The following DOCK8 variants were observed in gnomAD, a reference collection of about 807,000 sequenced individuals.
The protein encoded by DOCK8 is dedicator of cytokinesis 8.
In DOCK8, 141 loss-of-function variants were observed where a neutral mutation model predicts 245.6. That is an observed-to-expected ratio of 0.57 (90% CI 0.50 to 0.66). The LOEUF (loss-of-function observed/expected upper bound fraction) is 0.66, where lower values mean the gene tolerates loss of function less well. DOCK8 is among the 30% of genes least tolerant of loss of function. The pLI is 0.00. For synonymous variants in DOCK8, 1,168 were observed against 970.2 expected (o/e 1.20, Z -3.79); for missense variants, 2,965 against 2,603.4 (o/e 1.14, Z -3.02).
intron 40 of DOCK8, among the ~76,000 whole-genome samples, chr9:440,302 G>C (rs1379139036): frequency 6.6e-6 from 1 of 152,178 alleles, no homozygotes; most frequent in East Asian, 1.9e-4. Context: ...CTACAGGTGT[G>C]AGCCACCACG....
chr9:414,758 T>A (rs1211004408), intron 28 of DOCK8, 24 bp from the exon 29 acceptor site: 1 of 1,614,162 alleles, frequency 6.2e-7, no homozygotes, highest in East Asian at 2.2e-5. Flanking sequence ...CCATAACCTC[T>A]TGATTCCTGT....
At chr9:216,635 C>T (rs964202805) in intron 1 of DOCK8, among the ~76,000 whole-genome samples, 1 of 151,334 alleles carries the variant, frequency 6.6e-6, no homozygotes, top group Non-Finnish European at 1.5e-5. Context: ...CTGTTGCATG[C>T]CAGGAGGGGT....
At chr9:432,429 C>T (rs2056752664) in intron 37 of DOCK8, 105 bp downstream of exon 37, 1 of 1,123,270 alleles carries the variant, frequency 8.9e-7, no homozygotes, top group Non-Finnish European at 1.3e-6. Context: ...AAATATATAA[C>T]ATTTGCAAGT....
At chr9:343,153 G>C (rs2051693508) in intron 14 of DOCK8, among the ~76,000 whole-genome samples, 1 of 152,096 alleles carries the variant, frequency 6.6e-6, no homozygotes, top group African/African-American at 2.4e-5. Context: ...ATTTCCAGAT[G>C]CACAAAATTA....
chr9:371,639 C>A (rs2131216403), intron 17 of DOCK8, 73 bp downstream of exon 17: 2 of 1,594,472 alleles, frequency 1.3e-6, no homozygotes, highest in Non-Finnish European at 1.7e-6. Context: ...AGATAAACAA[C>A]CAAATTCTAT....
chr9:349,525 C>G (rs2052058672), intron 14 of DOCK8, among the ~76,000 whole-genome samples: 1 of 152,196 alleles, frequency 6.6e-6, no homozygotes, highest in African/African-American at 2.4e-5. Context: ...AAGCAAATCT[C>G]AAAGCCTATT....
Position 215,045 on chromosome 9 carries a change from C to G in DOCK8, c.53+16C>G. 1 of 1,569,672 alleles carries G rather than the reference C, an allele frequency of 6.4e-7. No homozygotes were observed. The highest frequency in any genetic ancestry group is 8.6e-7 in the Non-Finnish European group (1 of 1,165,856). ...AGATCAACAGGTAAGACGCCCCCCGCGGCGCGCAGGTTGCGGCCGGACAGC... is the reference window on the plus strand; with the variant it reads ...AGATCAACAGGTAAGACGCCCCCCGGGGCGCGCAGGTTGCGGCCGGACAGC... On this transcript the variant is annotated intron_variant, in intron 1 of 47. Coordinates refer to ENST00000432829, the MANE Select transcript of DOCK8 (RefSeq NM_203447.4).
chr9:392,894 A>G (rs1226490364), intron 24 of DOCK8, among the ~76,000 whole-genome samples: 2 of 151,918 alleles, frequency 1.3e-5, no homozygotes, highest in Non-Finnish European at 2.9e-5. Context: ...ATGTCTCTCC[A>G]TAAAGAAGAT....
At chr9:268,806 T>G (rs2048091989) in intron 1 of DOCK8, among the ~76,000 whole-genome samples, 1 of 152,224 alleles carries the variant, frequency 6.6e-6, no homozygotes, top group South Asian at 2.1e-4. Flanking sequence ...AATAAATGAT[T>G]GCAGTGTTGG....
At chr9:363,312 T>C (rs1020196518) in intron 14 of DOCK8, among the ~76,000 whole-genome samples, 3 of 152,224 alleles carry the variant, frequency 2.0e-5, no homozygotes, top group Admixed American at 6.5e-5. Context: ...TGGCAAATTA[T>C]TAAGGTCATG....
rs1422852145 is a variant in DOCK8 at position 428,483 on chromosome 9, C to G, written c.4460C>G (p.Ala1487Gly). Residue 1487 changes from alanine to glycine, a missense_variant, in exon 35 of 48, where the codon GCT becomes GGT. Ala to Gly is a moderately conservative substitution (Grantham distance 60). Coordinates refer to ENST00000432829, the MANE Select transcript of DOCK8 (RefSeq NM_203447.4). Reference protein sequence around the residue: ...YLTHCFATLRALIAKFGDLLF... With the variant: ...YLTHCFATLRGLIAKFGDLLF... ...ACTCACTGCTTTGCAACACTCCGTGCTCTCATCGCCAAGGTAAACTTGGGA... is the reference window on the plus strand; with the variant it reads ...ACTCACTGCTTTGCAACACTCCGTGGTCTCATCGCCAAGGTAAACTTGGGA... The G allele has an allele frequency of 6.2e-7, 1 of 1,614,060 alleles. No individual in the cohort carries two copies. Among genetic ancestry groups the G allele is most frequent in the Non-Finnish European group, 8.5e-7 (1 of 1,180,030 alleles).
At chr9:386,465 G>T in intron 23 of DOCK8, 39 bp downstream of exon 23, 1 of 1,571,046 alleles carries the variant, frequency 6.4e-7, no homozygotes. Context: ...CCCAGGATAA[G>T]AACAGAAGGA....
rs557716603 is a variant in DOCK8 at position 415,099 on chromosome 9, G to C, written c.3700+148G>C. ...ATGGTCTCCAAACCTCTTTAACACT[G>C]GCCCCAATCAGTTAAAAAAACAAAA... On this transcript the variant is annotated intron_variant, in intron 29 of 47. Coordinates refer to ENST00000432829, the MANE Select transcript of DOCK8 (RefSeq NM_203447.4). 2.7e-6 allele frequency: 3 copies of C among 1,127,070 alleles called. No homozygotes were observed. The South Asian group carries it at 4.0e-5, about 15-fold the overall frequency. 69.8% of individuals were successfully genotyped at this position (1,127,070 alleles called of 1,614,324 possible).
chr9:421,082 T>C lies in DOCK8; in HGVS notation c.4153+4T>C. On this transcript the variant is annotated splice_donor_region_variant and intron_variant, in intron 32 of 47. Transcript: ENST00000432829. ...ATGATGCGCCGCCGGGCTCCAGGTGTGTTGGACTGGCCCTTCCCTGCTCTC... is the reference window on the plus strand; with the variant it reads ...ATGATGCGCCGCCGGGCTCCAGGTGCGTTGGACTGGCCCTTCCCTGCTCTC... 1 of 1,613,896 alleles carries C rather than the reference T, an allele frequency of 6.2e-7. No individual in the cohort carries two copies.
intron 14 of DOCK8, among the ~76,000 whole-genome samples, chr9:363,649 G>A (rs73641530): frequency 0.057 from 8,713 of 152,100 alleles, 383 homozygotes; most frequent in African/African-American, 0.12. Flanking sequence ...CTTTCTGGAT[G>A]TTAGTTTCCT....
In DOCK8 at chr9:426,848, G is replaced by T. The variant is rs374371878; in HGVS notation, c.4242-37G>T. 8.9e-6 allele frequency: 14 copies of T among 1,579,170 alleles called. No individual in the cohort carries two copies. The African/African-American group carries it at 1.9e-4, about 21-fold the overall frequency. ...CCATCATGGGAACCTGGCCAGGTTT[G>T]ACATGCGCTTTAATTTGACCTCTTG... On this transcript the variant is annotated intron_variant, in intron 33 of 47. Transcript: ENST00000432829.
upstream of DOCK8, chr9:214,838 G>A (rs1293351546): frequency 5.6e-6 from 9 of 1,600,726 alleles, no homozygotes; most frequent in Non-Finnish European, 7.7e-6. Context: ...TTAGAAGGTG[G>A]AAATGCGGAA....
Position 428,450 on chromosome 9 carries a change from C to T in DOCK8, c.4427C>T (p.Thr1476Ile), listed in dbSNP as rs2056581205. 4 of 1,614,202 alleles carry T rather than the reference C, an allele frequency of 2.5e-6. No homozygotes were observed. Among genetic ancestry groups the T allele is most frequent in the Non-Finnish European group, 3.4e-6 (4 of 1,180,020 alleles). ...TCTCTGAACTGTGATCAGAGTACCA[C>T]CTACCTGACTCACTGCTTTGCAACA... Reference protein sequence around the residue: ...VNSLNCDQSTTYLTHCFATLR... With the variant: ...VNSLNCDQSTIYLTHCFATLR... Residue 1476 changes from threonine to isoleucine, a missense_variant, in exon 35 of 48, where the codon ACC (threonine) becomes ATC (isoleucine). Thr to Ile is a moderately conservative substitution (Grantham distance 89, BLOSUM62 -1). Around this residue, in one of 3 missense-constraint regions of DOCK8, gnomAD observed 2,825 missense variants for 2,453.5 expected, o/e 1.15. Coordinates refer to ENST00000432829, the MANE Select transcript of DOCK8 (RefSeq NM_203447.4).
At chr9:352,486 G>A (rs2052216873) in intron 14 of DOCK8, among the ~76,000 whole-genome samples, 1 of 152,150 alleles carries the variant, frequency 6.6e-6, no homozygotes, top group Non-Finnish European at 1.5e-5. Context: ...GCTCATGCCT[G>A]TAATCCCTGC....
Sources: allele counts gnomAD v4.1 joint callset (sites outside exome capture counted in the v4.1 genomes callset), GRCh38; gene constraint gnomAD v4.1.1; regional missense constraint gnomAD v4.1.1; transcripts MANE v1.5; gene names NCBI Gene and HGNC (gene_info 2026-07-23, HGNC 2026-07-21).